Variants in WDR49 observed in about 807,000 individuals in gnomAD.
WDR49 encodes cilia- and flagella-associated protein 337.
Under a neutral mutation model 119.5 loss-of-function variants are expected in WDR49, and 107 were observed. That is an observed-to-expected ratio of 0.90 (90% CI 0.77 to 1.05). The LOEUF is 1.05. Among genes scored for constraint, WDR49 ranks in the 50% least tolerant of loss-of-function variants. WDR49 has a pLI of 0.00. For synonymous variants in WDR49, 425 were observed against 418.8 expected, an observed-to-expected ratio of 1.01 and a Z score of -0.18; for missense variants, 1,240 against 1,220.5, an observed-to-expected ratio of 1.02 and a Z score of -0.24.
At chr3:167,564,248 G>A (rs950309260) in intron 8 of WDR49, among the ~76,000 whole-genome samples, 1 of 152,236 alleles carries the variant, frequency 6.6e-6, no homozygotes, top group South Asian at 2.1e-4. Flanking sequence ...TCGGCCTCAC[G>A]GTGCAGTTTG....
chr3:167,557,385 A>G (rs1712997324), intron 9 of WDR49, among the ~76,000 whole-genome samples: 1 of 152,206 alleles, frequency 6.6e-6, no homozygotes, highest in East Asian at 1.9e-4. Context: ...GCATTGTTAA[A>G]AAGCAAAAGA....
chr3:167,653,457 C>T lies in WDR49; in HGVS notation c.-32G>A. Reference sequence around the variant, plus strand: ...TTCACCTTTTCTCAGTTGCCTTCAACTATTTCTATAAGGATGGATCTTCTT... The same window carrying T: ...TTCACCTTTTCTCAGTTGCCTTCAATTATTTCTATAAGGATGGATCTTCTT... On this transcript the variant is annotated 5_prime_UTR_variant, in exon 2 of 19. Transcript: ENST00000682715. 6.9e-7 allele frequency: 1 copy of T among 1,457,228 alleles called. No homozygotes were observed. The highest frequency in any genetic ancestry group is 9.0e-7 in the Non-Finnish European group (1 of 1,112,048). 90.3% of individuals were successfully genotyped at this position (1,457,228 alleles called of 1,614,324 possible). A position where few individuals can be genotyped will look rare whatever the true frequency, so the allele number is the denominator to read the frequency against.
chr3:167,594,593 C>A (rs1010279942), intron 7 of WDR49, among the ~76,000 whole-genome samples: 1 of 152,122 alleles, frequency 6.6e-6, no homozygotes, highest in Admixed American at 6.5e-5. Context: ...GGAAGCAGAA[C>A]ATAAAAGTTT....
intron 9 of WDR49, among the ~76,000 whole-genome samples, chr3:167,557,834 C>T (rs1438542007): frequency 6.6e-6 from 1 of 151,792 alleles, no homozygotes; most frequent in Non-Finnish European, 1.5e-5. Context: ...AGAATAGTGC[C>T]TGGTTCATAG....
intron 5 of WDR49, among the ~76,000 whole-genome samples, chr3:167,606,226 CTTTGG>C (rs1352762066): frequency 6.6e-6 from 1 of 152,100 alleles, no homozygotes; most frequent in Non-Finnish European, 1.5e-5. Flanking sequence ...TCAAACACCC[CTTTGG>C]GAATCTGATG....
At chr3:167,580,695 A>G (rs944797802) in intron 7 of WDR49, among the ~76,000 whole-genome samples, 2 of 152,106 alleles carry the variant, frequency 1.3e-5, no homozygotes, top group African/African-American at 4.8e-5. Flanking sequence ...CCTCACATTA[A>G]TTCAGTTTTA....
intron 3 of WDR49, among the ~76,000 whole-genome samples, chr3:167,622,545 TAAC>T (rs765986741): frequency 1.3e-5 from 2 of 152,158 alleles, no homozygotes; most frequent in Non-Finnish European, 2.9e-5. Context: ...GCCATTTTTC[TAAC>T]AATACAGCCC....
At chr3:167,601,186 A>G (rs1371671633) in intron 7 of WDR49, among the ~76,000 whole-genome samples, 3 of 152,222 alleles carry the variant, frequency 2.0e-5, no homozygotes, top group Non-Finnish European at 2.9e-5. Flanking sequence ...TAAAATCAAC[A>G]GAAATTGGCA....
In WDR49 at chr3:167,640,999, T is replaced by C. The variant is rs1468732266; in HGVS notation, c.165+12262A>G. Among the ~76,000 whole-genome samples, 2 of 151,948 alleles carry C rather than the reference T, an allele frequency of 1.3e-5. 1 individual carries two copies. The highest frequency in any genetic ancestry group is 6.3e-3 in the Middle Eastern group (2 of 316). Reference sequence around the variant, plus strand: ...CGGTTGCATCTACTCGACTTGTAAATGCTTACTGAATGGAAAGTCCTGAAT... The same window carrying C: ...CGGTTGCATCTACTCGACTTGTAAACGCTTACTGAATGGAAAGTCCTGAAT... On this transcript the variant is annotated intron_variant, in intron 2 of 18. Coordinates refer to ENST00000682715, the MANE Select transcript of WDR49 (RefSeq NM_001366157.1).
At chr3:167,594,212 GCTCATAA>G (rs1284213716) in intron 7 of WDR49, among the ~76,000 whole-genome samples, 4 of 152,306 alleles carry the variant, frequency 2.6e-5, no homozygotes, top group Middle Eastern at 3.4e-3. Context: ...AGTTTGAAGG[GCTCATAA>G]GAAGACAGGA....
chr3:167,588,725 C>A (rs1280797898), intron 7 of WDR49, among the ~76,000 whole-genome samples: 3 of 151,902 alleles, frequency 2.0e-5, no homozygotes, highest in Admixed American at 6.6e-5. Flanking sequence ...TGCCTGTTTG[C>A]CATTTGTCTT....
At chr3:167,623,078 T>C (rs1454865729) in intron 3 of WDR49, among the ~76,000 whole-genome samples, 2 of 152,016 alleles carry the variant, frequency 1.3e-5, no homozygotes, top group African/African-American at 4.8e-5. Context: ...CTCAACTAGA[T>C]GGCTTCACTG....
chr3:167,644,220 C>G (rs2074082995), intron 2 of WDR49, among the ~76,000 whole-genome samples: 1 of 151,996 alleles, frequency 6.6e-6, no homozygotes, highest in South Asian at 2.1e-4. Flanking sequence ...AAATTCAGCA[C>G]TCTTAATTTC....
At chr3:167,639,624 T>C (rs140659434) in intron 2 of WDR49, among the ~76,000 whole-genome samples, 2,073 of 151,916 alleles carry the variant, frequency 0.014, 35 homozygotes, top group Non-Finnish European at 0.017. Flanking sequence ...AATGATATAC[T>C]TACTTTTCAC....
At chr3:167,617,237 C>A (rs1340963611) in intron 5 of WDR49, among the ~76,000 whole-genome samples, 1 of 152,156 alleles carries the variant, frequency 6.6e-6, no homozygotes, top group East Asian at 1.9e-4. Context: ...AAAGACTCTT[C>A]TGTGGTAGGC....
At chr3:167,589,392 T>C (rs1714991749) in intron 7 of WDR49, among the ~76,000 whole-genome samples, 1 of 152,156 alleles carries the variant, frequency 6.6e-6, no homozygotes, top group African/African-American at 2.4e-5. Context: ...TTTTATTCTG[T>C]TTGCTTAGGA....
chr3:167,606,293 T>A (rs905901487), intron 5 of WDR49, among the ~76,000 whole-genome samples: 1 of 152,162 alleles, frequency 6.6e-6, no homozygotes, highest in African/African-American at 2.4e-5. Flanking sequence ...CAAAATTGTG[T>A]ATAAAATATC....
rs1282125824 is a variant in WDR49, at chr3:167,653,418, C to T, written c.8G>A (p.Cys3Tyr). MS[C>Y]QKAVLELNIG... is the part of the protein sequence containing the mutation. ...GTTTAACTCAAGTACAGCTTTCTGGCAACTCATAATGGCTTCACCTTTTCT... is the reference window on the plus strand; with the variant it reads ...GTTTAACTCAAGTACAGCTTTCTGGTAACTCATAATGGCTTCACCTTTTCT... The change falls in exon 2 of 19, where the codon TGC (cysteine) becomes TAC (tyrosine). Residue 3 changes from cysteine (C) to tyrosine (Y), a missense_variant. Cys to Tyr is a radical substitution (Grantham distance 194). Coordinates refer to ENST00000682715, the MANE Select transcript of WDR49 (RefSeq NM_001366157.1). 6.6e-7 allele frequency: 1 copy of T among 1,520,932 alleles called. No homozygotes were observed. Among genetic ancestry groups the T allele is most frequent in the South Asian group, 1.2e-5 (1 of 81,370 alleles). 94.2% of individuals were successfully genotyped at this position (1,520,932 alleles called of 1,614,324 possible).
chr3:167,512,338 G>A (rs527593775), intron 16 of WDR49, among the ~76,000 whole-genome samples: 21 of 152,216 alleles, frequency 1.4e-4, no homozygotes, highest in African/African-American at 5.1e-4. Flanking sequence ...AGCCTAGAGT[G>A]GACCCCCAGC....
Sources: allele counts gnomAD v4.1 joint callset (sites outside exome capture counted in the v4.1 genomes callset), GRCh38; gene constraint gnomAD v4.1.1; transcripts MANE v1.5; gene names NCBI Gene and HGNC (gene_info 2026-07-23, HGNC 2026-07-21).